PID1: variants seen among roughly 807,000 people sequenced by gnomAD.
PID1 encodes the protein PTB-containing, cubilin and LRP1-interacting protein.
A neutral mutation model predicts 19.1 loss-of-function variants in PID1; 10 were observed. The observed-to-expected ratio is 0.52, with a 90% CI of 0.32 to 0.89. The LOEUF is 0.89. PID1 is among the 40% of genes least tolerant of loss of function. PID1 has a pLI of 0.03. For missense variants in PID1, 248 were observed against 285.3 expected (o/e 0.87, Z 0.94); for synonymous variants, 130 against 116.0 (o/e 1.12, Z -0.78).
intron 2 of PID1, among the ~76,000 whole-genome samples, chr2:229,114,174 AACAC>A (rs151089843): frequency 0.15 from 18,884 of 124,386 alleles, 1,393 homozygotes; most frequent in South Asian, 0.27. Flanking sequence ...TCTCCACACA[AACAC>A]ACACACACAC....
At chr2:229,247,409 G>A (rs1690031147) in intron 1 of PID1, among the ~76,000 whole-genome samples, 1 of 152,150 alleles carries the variant, frequency 6.6e-6, no homozygotes, top group Non-Finnish European at 1.5e-5. Context: ...GAAGAAGAGT[G>A]CAGAGATGCA....
At chr2:229,154,381 A>G (rs1382497027) in intron 2 of PID1, among the ~76,000 whole-genome samples, 2 of 152,076 alleles carry the variant, frequency 1.3e-5, no homozygotes, top group Non-Finnish European at 2.9e-5. Context: ...AGTACGCCCT[A>G]TTCTTTCGCC....
Position 229,171,547 on chromosome 2 carries a change from CCT to C in PID1, c.31-15585_31-15584del, listed in dbSNP as rs1324973987. The stretch of plus-strand genomic sequence containing the variant: ...TGAAACTCCCAACCTAGAACTAACC[CCT>C]CTCTCTGTTTATGCCTGAACTGTAC... On this transcript the variant is annotated intron_variant, in intron 1 of 2. Coordinates refer to ENST00000392055, the MANE Select transcript of PID1 (RefSeq NM_001100818.2). Among the ~76,000 whole-genome samples, 7 of 152,116 alleles carry C rather than the reference CCT, an allele frequency of 4.6e-5. No individual in the cohort carries two copies. The East Asian group carries it at 7.7e-4, about 17-fold the overall frequency.
rs867303576 is a variant in PID1 at position 229,034,169 on chromosome 2, T to C, written c.178-8061A>G. Among the ~76,000 whole-genome samples the C allele has an allele frequency of 6.6e-5, 10 of 152,302 alleles. No individual in the cohort carries two copies. In the South Asian group the frequency reaches 2.1e-3, roughly 32 times the overall value. The stretch of plus-strand genomic sequence containing the variant: ...GTTCATAGTGAAATCTATGAAATTA[T>C]TGTCGGCACAATAATAAATTTTGGA... On this transcript the variant is annotated intron_variant, in intron 2 of 2. Transcript: ENST00000392055.
intron 2 of PID1, among the ~76,000 whole-genome samples, chr2:229,127,468 C>G (rs962129480): frequency 1.3e-5 from 2 of 152,106 alleles, no homozygotes; most frequent in African/African-American, 4.8e-5. Context: ...TGTAAACTGC[C>G]ATACAAGCCA....
At chr2:229,144,027 G>A (rs1364070503) in intron 2 of PID1, among the ~76,000 whole-genome samples, 1 of 152,152 alleles carries the variant, frequency 6.6e-6, no homozygotes, top group Non-Finnish European at 1.5e-5. Flanking sequence ...TTCCTGAAAT[G>A]TAACAAGGGA....
intron 2 of PID1, among the ~76,000 whole-genome samples, chr2:229,036,070 A>G (rs745592217): frequency 2.6e-5 from 4 of 152,200 alleles, no homozygotes; most frequent in Non-Finnish European, 4.4e-5. Context: ...CAAACATTAC[A>G]TCTGTGCTAT....
intron 1 of PID1, among the ~76,000 whole-genome samples, chr2:229,244,034 G>C (rs988029891): frequency 2.0e-5 from 3 of 152,070 alleles, no homozygotes; most frequent in Non-Finnish European, 4.4e-5. Flanking sequence ...AAAGCCCCAC[G>C]TGTAATTTCT....
chr2:229,105,667 G>T (rs1198806940), intron 2 of PID1, among the ~76,000 whole-genome samples: 1 of 152,194 alleles, frequency 6.6e-6, no homozygotes, highest in African/African-American at 2.4e-5. Context: ...AGGGCTCTAT[G>T]TGCATCATTT....
At chr2:229,193,172 T>C (rs1443321356) in intron 1 of PID1, among the ~76,000 whole-genome samples, 2 of 152,200 alleles carry the variant, frequency 1.3e-5, no homozygotes, top group African/African-American at 4.8e-5. Flanking sequence ...GATCAACCGG[T>C]GATATTCAGC....
At chr2:229,036,189 C>A (rs1693658998) in intron 2 of PID1, among the ~76,000 whole-genome samples, 1 of 152,108 alleles carries the variant, frequency 6.6e-6, no homozygotes, top group African/African-American at 2.4e-5. Context: ...CTGTGCACAT[C>A]CCTCAATAAA....
At chr2:229,046,381 CGTGT>C (rs532823161) in intron 2 of PID1, among the ~76,000 whole-genome samples, 1 of 91,386 alleles carries the variant, frequency 1.1e-5, no homozygotes, top group Non-Finnish European at 2.1e-5. Flanking sequence ...TGTGTGTGTG[CGTGT>C]GTGTGTGTGT....
intron 2 of PID1, among the ~76,000 whole-genome samples, chr2:229,043,058 T>C (rs1224168409): frequency 2.0e-5 from 3 of 151,412 alleles, no homozygotes; most frequent in African/African-American, 7.3e-5. Flanking sequence ...CAGGCTGAAG[T>C]GCAGTGGAGC....
At chr2:229,212,953 T>C (rs1574726847) in intron 1 of PID1, among the ~76,000 whole-genome samples, 1 of 152,174 alleles carries the variant, frequency 6.6e-6, no homozygotes. Context: ...TCCTCAAACT[T>C]ACTCTCAAAT....
chr2:229,166,518 T>C (rs1690600293), intron 1 of PID1, among the ~76,000 whole-genome samples: 1 of 152,228 alleles, frequency 6.6e-6, no homozygotes, highest in African/African-American at 2.4e-5. Context: ...TTCATCTGAT[T>C]GCTCAATGCT....
intron 1 of PID1, among the ~76,000 whole-genome samples, chr2:229,208,257 T>C (rs1691651288): frequency 6.6e-6 from 1 of 152,206 alleles, no homozygotes; most frequent in Non-Finnish European, 1.5e-5. Flanking sequence ...AGTGCATAGC[T>C]AGTGCAGTAA....
At chr2:229,131,658 T>C (rs1335033758) in intron 2 of PID1, among the ~76,000 whole-genome samples, 2 of 152,222 alleles carry the variant, frequency 1.3e-5, no homozygotes, top group Non-Finnish European at 2.9e-5. Flanking sequence ...TGTCCATTGT[T>C]CCAAAAGTCA....
intron 2 of PID1, among the ~76,000 whole-genome samples, chr2:229,091,058 T>A (rs1694865718): frequency 6.6e-6 from 1 of 152,196 alleles, no homozygotes; most frequent in African/African-American, 2.4e-5. Flanking sequence ...TGAAGAGATA[T>A]TTCCCTTTTA....
chr2:229,171,329 C>T (rs1438992109), intron 1 of PID1, among the ~76,000 whole-genome samples: 1 of 152,148 alleles, frequency 6.6e-6, no homozygotes, highest in Non-Finnish European at 1.5e-5. Context: ...TTTGGCAAGC[C>T]AGAGTTCACT....
Sources: allele counts gnomAD v4.1 joint callset (sites outside exome capture counted in the v4.1 genomes callset), GRCh38; gene constraint gnomAD v4.1.1; transcripts MANE v1.5; gene names NCBI Gene and HGNC (gene_info 2026-07-23, HGNC 2026-07-21).